Variants in GGPS1 observed in about 807,000 individuals in gnomAD.
GGPS1 encodes the protein geranylgeranyl pyrophosphate synthase.
Under a neutral mutation model 28.1 loss-of-function variants are expected in GGPS1, and 15 were observed. That is an observed-to-expected ratio of 0.53 (90% CI 0.36 to 0.82). The LOEUF (loss-of-function observed/expected upper bound fraction) is 0.82. GGPS1 is among the 40% of genes least tolerant of loss of function. GGPS1 has a pLI of 0.01. For synonymous variants in GGPS1, 138 were observed against 122.4 expected (o/e 1.13, Z -0.84); for missense variants, 284 against 348.3 (o/e 0.82, Z 1.47).
In GGPS1 at chr1:235,335,323, T is replaced by C; in HGVS notation, c.59T>C (p.Leu20Pro). The change falls in exon 2 of 4, where the codon CTT becomes CCT. Residue 20 changes from leucine to proline, a missense_variant. Leu to Pro is a moderately conservative substitution (Grantham distance 98). Transcript: ENST00000282841. ...CTTCTAGAACCCTATAAATACTTACTTCAGTTACCAGGTAATACTTCACTT... is the reference window on the plus strand; with the variant it reads ...CTTCTAGAACCCTATAAATACTTACCTCAGTTACCAGGTAATACTTCACTT... ...RILLEPYKYL[L>P]QLPGKQVRTK... 6.7e-7 allele frequency: 1 copy of C among 1,491,480 alleles called. No individual in the cohort carries two copies. The highest frequency in any genetic ancestry group is 1.1e-5 in the South Asian group (1 of 87,782). The allele number at this position is 1,491,480 out of a possible 1,614,324, so 92.4% of individuals were successfully genotyped here.
At chr1:235,334,813 C>T (rs563595906) in intron 1 of GGPS1, among the ~76,000 whole-genome samples, 2 of 152,240 alleles carry the variant, frequency 1.3e-5, no homozygotes, top group South Asian at 2.1e-4. Flanking sequence ...TCTCAGCTCA[C>T]TGCAACCTCT....
chr1:235,328,932 G>C (rs1395604950), intron 1 of GGPS1, 154 bp downstream of exon 1: 1 of 152,396 alleles, frequency 6.6e-6, no homozygotes, highest in Non-Finnish European at 1.5e-5. Context: ...CTTTAAGCGA[G>C]GAGGGAGAGG....
intron 2 of GGPS1, 91 bp downstream of exon 2, chr1:235,335,425 C>A (rs1675835181): frequency 3.3e-6 from 2 of 613,346 alleles, no homozygotes; most frequent in South Asian, 2.1e-5. Flanking sequence ...GACTTGCTAG[C>A]CGTTGAGATT....
intron 2 of GGPS1, chr1:235,336,698 T>G (rs372512384): frequency 1.1e-4 from 16 of 152,336 alleles, no homozygotes; most frequent in East Asian, 9.6e-4. Context: ...TAAAAACCTA[T>G]TTAGCCATAC....
upstream of GGPS1, chr1:235,327,541 CCCGGGCCCCCGACCGCGG>C (rs1455533276): frequency 1.3e-5 from 2 of 152,232 alleles, no homozygotes; most frequent in African/African-American, 4.8e-5. Context: ...CCCCACCCTG[CCCGGGCCCCCGACCGCGG>C]CCGCTAAACC....
At chr1:235,335,405 G>A (rs1232495889) in intron 2 of GGPS1, 71 bp downstream of exon 2, 2 of 720,232 alleles carry the variant, frequency 2.8e-6, no homozygotes, top group African/African-American at 3.6e-5. Context: ...TTAGCAAATA[G>A]AAAAGGTTAG....
upstream of GGPS1, chr1:235,328,246 C>T (rs958296842): frequency 2.7e-5 from 4 of 149,614 alleles, no homozygotes; most frequent in Admixed American, 2.7e-4. Context: ...TTTTTCCCCC[C>T]CTCCCCTACC....
chr1:235,338,281 C>T (rs970110589), intron 2 of GGPS1, among the ~76,000 whole-genome samples: 1 of 151,396 alleles, frequency 6.6e-6, no homozygotes, highest in African/African-American at 2.4e-5. Flanking sequence ...ACCTGGGGGA[C>T]TGAGGTGGGA....
At chr1:235,330,903 AGAG>A (rs1675692589) in intron 1 of GGPS1, among the ~76,000 whole-genome samples, 1 of 152,268 alleles carries the variant, frequency 6.6e-6, no homozygotes, top group Non-Finnish European at 1.5e-5. Context: ...ACATTTAAAT[AGAG>A]AAGTATATGA....
intron 2 of GGPS1, among the ~76,000 whole-genome samples, chr1:235,336,198 C>G (rs1378753988): frequency 6.6e-6 from 1 of 152,170 alleles, no homozygotes; most frequent in Non-Finnish European, 1.5e-5. Flanking sequence ...TGAGACCAGC[C>G]TGGCCAACAT....
At position 235,342,279 on chromosome 1, in the gene GGPS1, CT is replaced by C; in HGVS notation, c.412del (p.Cys138ValfsTer21). On this transcript the variant is annotated frameshift_variant, in exon 4 of 4. Transcript: ENST00000282841. LOFTEE classifies it high-confidence loss of function. The part of the protein sequence containing the change: ...GLDIYWRDNY[T>X]CPTEEEYKAM... ...GATATTTACTGGAGGGATAATTACA[CT>C]TGTCCCACTGAAGAAGAATATAAAG... 1 of 1,614,036 alleles carries C rather than the reference CT, an allele frequency of 6.2e-7. No homozygotes were observed. Among genetic ancestry groups the C allele is most frequent in the Non-Finnish European group, 8.5e-7 (1 of 1,179,902 alleles).
At chr1:235,338,394 G>A (rs1160167802) in intron 2 of GGPS1, among the ~76,000 whole-genome samples, 1 of 151,176 alleles carries the variant, frequency 6.6e-6, no homozygotes. Flanking sequence ...AAAAAAAAAA[G>A]GGGGGGAAAC....
rs764662240 is a variant in GGPS1 at position 235,342,393 on chromosome 1, C to T, written c.524C>T (p.Pro175Leu). Residue 175 changes from proline to leucine, a missense_variant, in exon 4 of 4, where the codon CCG becomes CTG. Physicochemically the swap from Pro to Leu is moderately conservative, Grantham distance 98 (BLOSUM62 -3). Coordinates refer to ENST00000282841, the MANE Select transcript of GGPS1 (RefSeq NM_004837.4). The stretch of plus-strand genomic sequence containing the variant: ...TCTGATTACAAAGAAGATTTAAAAC[C>T]GCTACTTAATACACTTGGGCTCTTT... Reference protein sequence around the residue: ...LFSDYKEDLKPLLNTLGLFFQ... With the variant: ...LFSDYKEDLKLLLNTLGLFFQ... The T allele has an allele frequency of 9.9e-6, 16 of 1,613,810 alleles. No homozygotes were observed. Among genetic ancestry groups the T allele is most frequent in the Admixed American group, 3.3e-5 (2 of 59,992 alleles).
At chr1:235,339,261 T>C (rs1388015033) in intron 2 of GGPS1, among the ~76,000 whole-genome samples, 1 of 151,434 alleles carries the variant, frequency 6.6e-6, no homozygotes, top group Non-Finnish European at 1.5e-5. Context: ...ATCGTGACAC[T>C]GTACCCCAGC....
chr1:235,330,683 A>G (rs1429076758), intron 1 of GGPS1: 1 of 152,158 alleles, frequency 6.6e-6, no homozygotes, highest in African/African-American at 2.4e-5. Context: ...GAAAAATAAC[A>G]TCAACCACAA....
At chr1:235,336,259 C>T (rs1178624865) in intron 2 of GGPS1, among the ~76,000 whole-genome samples, 6 of 151,908 alleles carry the variant, frequency 3.9e-5, no homozygotes, top group African/African-American at 1.5e-4. Context: ...GGCATGGTGG[C>T]GCATGCCTGT....
chr1:235,339,993 A>G (rs1019942994), intron 2 of GGPS1, among the ~76,000 whole-genome samples: 29 of 149,348 alleles, frequency 1.9e-4, no homozygotes, highest in African/African-American at 6.9e-4. Flanking sequence ...TTAGCCACGC[A>G]TGGTGGCACA....
chr1:235,329,709 T>G (rs1000211747), intron 1 of GGPS1: 1 of 152,260 alleles, frequency 6.6e-6, no homozygotes, highest in East Asian at 1.9e-4. Context: ...AGTTTTGGTT[T>G]TCTCCTAATA....
In GGPS1 at chr1:235,342,542, C is replaced by T. The variant is rs765969703; in HGVS notation, c.673C>T (p.Pro225Ser). The T allele has an allele frequency of 1.4e-5, 22 of 1,612,484 alleles. No individual in the cohort carries two copies. The African/African-American group carries it at 2.9e-4, about 22-fold the overall frequency. Residue 225 changes from proline (P) to serine (S), a missense_variant, in exon 4 of 4, where the codon CCT becomes TCT. Coordinates refer to ENST00000282841, the MANE Select transcript of GGPS1 (RefSeq NM_004837.4). ...FPTIHAIWSR[P>S]ESTQVQNILR... The stretch of plus-strand genomic sequence containing the variant: ...TACTATTCATGCTATTTGGTCAAGG[C>T]CTGAAAGCACCCAGGTGCAGAATAT...
Sources: allele counts gnomAD v4.1 joint callset (sites outside exome capture counted in the v4.1 genomes callset), GRCh38; gene constraint gnomAD v4.1.1; transcripts MANE v1.5; gene names NCBI Gene and HGNC (gene_info 2026-07-23, HGNC 2026-07-21).